The following ABCC9 variants were observed in gnomAD, a reference collection of about 807,000 sequenced individuals.
The protein encoded by ABCC9 is ATP-binding cassette sub-family C member 9.
Under a neutral mutation model 188.3 loss-of-function variants are expected in ABCC9, and 95 were observed. The observed-to-expected ratio is 0.50, with a 90% CI of 0.43 to 0.60. ABCC9 has a LOEUF of 0.60. Among genes scored for constraint, ABCC9 ranks in the 20% least tolerant of loss-of-function variants. The probability of loss-of-function intolerance (pLI) is 0.00; values close to 1 mark genes in which losing one functional copy is unlikely to be tolerated. For missense variants in ABCC9, 1,102 were observed against 1,876.3 expected, an observed-to-expected ratio of 0.59 and a Z score of 7.62; for synonymous variants, 659 against 652.7, an observed-to-expected ratio of 1.01 and a Z score of -0.15.
intron 20 of ABCC9, among the ~76,000 whole-genome samples, chr12:21,862,081 C>A (rs996347037): frequency 6.6e-6 from 1 of 152,086 alleles, no homozygotes; most frequent in Non-Finnish European, 1.5e-5. Flanking sequence ...CTGTTGATAT[C>A]TGTCCATTGT....
intron 5 of ABCC9, chr12:21,925,568 G>A (rs1016967807): frequency 2.9e-6 from 2 of 701,002 alleles, no homozygotes; most frequent in African/African-American, 3.5e-5. Flanking sequence ...AACTAGAGGA[G>A]ATGACTTGTT....
At chr12:21,833,499 G>A (rs1485719749) in intron 30 of ABCC9, among the ~76,000 whole-genome samples, 1 of 152,022 alleles carries the variant, frequency 6.6e-6, no homozygotes, top group Non-Finnish European at 1.5e-5. Context: ...TGTGTCTAGG[G>A]AAGAAGGTAA....
chr12:21,893,543 C>T (rs1188945043), intron 14 of ABCC9, among the ~76,000 whole-genome samples: 1 of 152,050 alleles, frequency 6.6e-6, no homozygotes, highest in African/African-American at 2.4e-5. Flanking sequence ...TCATCAAGGA[C>T]CTCAAAGATG....
At chr12:21,905,935 T>G (rs142905954) in intron 12 of ABCC9, among the ~76,000 whole-genome samples, 191 bp downstream of exon 12, 1 of 152,222 alleles carries the variant, frequency 6.6e-6, no homozygotes, top group Non-Finnish European at 1.5e-5. Context: ...CTGTGCTTAC[T>G]TTGGTCTTTA....
chr12:21,895,304 C>T lies in ABCC9; in HGVS notation c.1630G>A (p.Ala544Thr). Reference protein sequence around the residue: ...LYTSLSIFMNAAIPIAAVLAT... With the variant: ...LYTSLSIFMNTAIPIAAVLAT... The stretch of plus-strand genomic sequence containing the variant: ...AGAACAGCTGCTATGGGAATTGCTG[C>T]ATTCATGAAGACTGTGGAAAGAAAT... Residue 544 changes from alanine (A) to threonine (T), a missense_variant, in exon 13 of 40, where the codon GCA (alanine) becomes ACA (threonine). Ala to Thr is a moderately conservative substitution (Grantham distance 58). Around this residue, in one of 12 missense-constraint regions of ABCC9, gnomAD observed 258 missense variants for 325.6 expected, o/e 0.79. Transcript: ENST00000261200. 6.2e-7 allele frequency: 1 copy of T among 1,613,698 alleles called. No individual in the cohort carries two copies. The highest frequency in any genetic ancestry group is 8.5e-7 in the Non-Finnish European group (1 of 1,179,686).
In ABCC9 at chr12:21,818,215, T is replaced by C. The variant is rs781568971; in HGVS notation, c.3706A>G (p.Ile1236Val). 3 of 1,613,948 alleles carry C rather than the reference T, an allele frequency of 1.9e-6. No individual in the cohort carries two copies. Among genetic ancestry groups the C allele is most frequent in the Non-Finnish European group, 2.5e-6 (3 of 1,179,892 alleles). The stretch of plus-strand genomic sequence containing the variant: ...TTCGAAGACCCACTAATGGATGCTA[T>C]AGATGCAGTGAGGACAATGCAAGCT... Reference protein sequence around the residue: ...LGACIVLTASIASISGSSNSG... With the variant: ...LGACIVLTASVASISGSSNSG... The change falls in exon 32 of 40, where the codon ATA (isoleucine) becomes GTA (valine). Residue 1236 changes from isoleucine (I) to valine (V), a missense_variant. This residue lies in a region of ABCC9 where 143 missense variants were observed against 225.6 expected (regional missense o/e 0.63). Transcript: ENST00000261200.
At chr12:21,831,999 G>A (rs1176169269) in intron 30 of ABCC9, among the ~76,000 whole-genome samples, 1 of 152,226 alleles carries the variant, frequency 6.6e-6, no homozygotes, top group Non-Finnish European at 1.5e-5. Context: ...GCAATAGTCT[G>A]AGGCAGCAGT....
At chr12:21,936,343 C>A (rs1224777061) in intron 3 of ABCC9, among the ~76,000 whole-genome samples, 190 bp downstream of exon 3, 1 of 152,132 alleles carries the variant, frequency 6.6e-6, no homozygotes, top group East Asian at 1.9e-4. Flanking sequence ...AAGCATGTGA[C>A]CTCAATTTCA....
intron 28 of ABCC9, 26 bp downstream of exon 28, chr12:21,844,457 A>G: frequency 6.3e-7 from 1 of 1,586,420 alleles, no homozygotes; most frequent in Non-Finnish European, 8.7e-7. Flanking sequence ...CTAATTTTTG[A>G]ACTTGGAAGT....
intron 5 of ABCC9, among the ~76,000 whole-genome samples, chr12:21,920,380 A>C (rs1948763213): frequency 6.6e-6 from 1 of 152,108 alleles, no homozygotes; most frequent in East Asian, 1.9e-4. Context: ...GTAATAAGTG[A>C]ATTTCTAAGG....
chr12:21,816,333 A>C (rs1284180231), intron 33 of ABCC9, among the ~76,000 whole-genome samples: 1 of 152,002 alleles, frequency 6.6e-6, no homozygotes, highest in Non-Finnish European at 1.5e-5. Flanking sequence ...CGAAAGACAC[A>C]GCTCAAGGTG....
At chr12:21,841,279 T>A (rs1469665176) in intron 29 of ABCC9, among the ~76,000 whole-genome samples, 4 of 151,908 alleles carry the variant, frequency 2.6e-5, no homozygotes, top group African/African-American at 9.7e-5. Context: ...AAACGAATAT[T>A]TTTTTTCCCA....
intron 22 of ABCC9, among the ~76,000 whole-genome samples, chr12:21,856,400 T>G (rs1759747258): frequency 6.6e-6 from 1 of 152,194 alleles, no homozygotes; most frequent in Admixed American, 6.5e-5. Context: ...TCTTATATAT[T>G]CAATAAATGT....
intron 31 of ABCC9, chr12:21,828,676 T>G (rs1254870741): frequency 2.4e-6 from 1 of 413,950 alleles, no homozygotes; most frequent in South Asian, 2.2e-5. Flanking sequence ...AAAAAAAAAT[T>G]TGAAGTTATA....
chr12:21,848,542 T>C (rs1454770066), intron 24 of ABCC9, among the ~76,000 whole-genome samples: 1 of 152,178 alleles, frequency 6.6e-6, no homozygotes, highest in Non-Finnish European at 1.5e-5. Flanking sequence ...CTAAAGCATA[T>C]TTCTACCATT....
At chr12:21,920,827 T>G (rs1276650087) in intron 5 of ABCC9, among the ~76,000 whole-genome samples, 1 of 152,076 alleles carries the variant, frequency 6.6e-6, no homozygotes, top group East Asian at 1.9e-4. Flanking sequence ...GATGTCTGTC[T>G]TTCTGTGCCT....
At chr12:21,859,951 C>T (rs1463932188) in intron 21 of ABCC9, among the ~76,000 whole-genome samples, 3 of 152,086 alleles carry the variant, frequency 2.0e-5, no homozygotes, top group Non-Finnish European at 4.4e-5. Flanking sequence ...CTAGGAAATG[C>T]GAGCAATTCC....
rs544331262 is a variant in ABCC9, at chr12:21,862,461, G to A, written c.2339+492C>T. On this transcript the variant is annotated intron_variant, in intron 20 of 39. Coordinates refer to ENST00000261200, the MANE Select transcript of ABCC9 (RefSeq NM_020297.4). ...CCCAGCTTATGGTCCTAAGACCCAC[G>A]CTTGCAAGAGTGGCTCAGGGAAAGG... Among the ~76,000 whole-genome samples, 26 of 152,146 alleles carry A rather than the reference G, an allele frequency of 1.7e-4. No individual in the cohort carries two copies. The South Asian group carries it at 3.1e-3, about 18-fold the overall frequency.
At chr12:21,815,662 A>C (rs1045618312) in intron 34 of ABCC9, 101 bp downstream of exon 34, 43 of 1,452,394 alleles carry the variant, frequency 3.0e-5, no homozygotes, top group Non-Finnish European at 4.0e-5. Context: ...GGTAGGGAAT[A>C]TACTTACTTG....
Sources: allele counts gnomAD v4.1 joint callset (sites outside exome capture counted in the v4.1 genomes callset), GRCh38; gene constraint gnomAD v4.1.1; regional missense constraint gnomAD v4.1.1; transcripts MANE v1.5; gene names NCBI Gene and HGNC (gene_info 2026-07-23, HGNC 2026-07-21).